CFAP299: variants seen among roughly 807,000 people sequenced by gnomAD.
CFAP299 encodes the protein cilia and flagella associated protein 299.
CFAP299 carries 21 observed loss-of-function variants against 27.0 expected under a neutral mutation model. The observed-to-expected ratio is 0.78, with a 90% CI of 0.55 to 1.12. The LOEUF (loss-of-function observed/expected upper bound fraction) is 1.12, where lower values mean the gene tolerates loss of function less well. Among genes scored for constraint, CFAP299 ranks in the 50% most tolerant of loss-of-function variants. CFAP299 has a pLI of 0.00. For missense variants in CFAP299, 310 were observed against 276.6 expected (o/e 1.12, Z -0.86); for synonymous variants, 104 against 98.1 (o/e 1.06, Z -0.36).
intron 4 of CFAP299, among the ~76,000 whole-genome samples, chr4:80,924,538 G>GTGTGTATATA (rs5859742): frequency 1.9e-4 from 25 of 131,694 alleles, no homozygotes; most frequent in Middle Eastern, 7.8e-3. Flanking sequence ...GTGTGTGTGT[G>GTGTGTATATA]TATATATATA....
At chr4:80,819,814 T>C (rs1405003459) in intron 3 of CFAP299, among the ~76,000 whole-genome samples, 1 of 152,166 alleles carries the variant, frequency 6.6e-6, no homozygotes, top group Admixed American at 6.5e-5. Context: ...TAGAGCCTTA[T>C]ATTAAGTTTA....
intron 1 of CFAP299, among the ~76,000 whole-genome samples, chr4:80,350,223 AT>A (rs1224549854): frequency 1.3e-5 from 2 of 152,188 alleles, no homozygotes; most frequent in Non-Finnish European, 2.9e-5. Flanking sequence ...CATTTTCCAA[AT>A]TTTATGAAAA....
At chr4:80,881,781 A>C (rs1052856170) in intron 4 of CFAP299, among the ~76,000 whole-genome samples, 1 of 152,374 alleles carries the variant, frequency 6.6e-6, no homozygotes, top group Middle Eastern at 3.4e-3. Context: ...TGTGAATTGC[A>C]AAAGAATTCA....
intron 4 of CFAP299, among the ~76,000 whole-genome samples, chr4:80,932,487 A>G (rs1736671063): frequency 6.6e-6 from 1 of 152,158 alleles, no homozygotes; most frequent in Non-Finnish European, 1.5e-5. Flanking sequence ...CTATTACAGA[A>G]TGTATTATTA....
At chr4:80,516,308 A>C (rs1348659692) in intron 2 of CFAP299, among the ~76,000 whole-genome samples, 1 of 152,110 alleles carries the variant, frequency 6.6e-6, no homozygotes, top group African/African-American at 2.4e-5. Flanking sequence ...GGTGTGAGCC[A>C]CTGTGCCTGG....
chr4:80,535,608 A>AAG (rs1228810678), intron 2 of CFAP299, among the ~76,000 whole-genome samples: 1 of 152,082 alleles, frequency 6.6e-6, no homozygotes, highest in Non-Finnish European at 1.5e-5. Flanking sequence ...TAGTGGAGAG[A>AAG]AGACATTAAC....
At chr4:80,692,980 A>G (rs1245590083) in intron 3 of CFAP299, among the ~76,000 whole-genome samples, 1 of 152,272 alleles carries the variant, frequency 6.6e-6, no homozygotes, top group Non-Finnish European at 1.5e-5. Context: ...AGAAATGCAA[A>G]TCAAATCCAC....
intron 3 of CFAP299, among the ~76,000 whole-genome samples, chr4:80,784,675 G>A (rs1429123457): frequency 6.6e-6 from 1 of 151,418 alleles, no homozygotes; most frequent in Non-Finnish European, 1.5e-5. Context: ...GTGCCACCAC[G>A]CCCAGCTAAT....
intron 3 of CFAP299, among the ~76,000 whole-genome samples, chr4:80,822,002 G>A (rs561888039): frequency 3.7e-4 from 57 of 152,240 alleles, no homozygotes; most frequent in African/African-American, 1.3e-3. Context: ...AACCGCTGAC[G>A]ATGGTAGCAA....
chr4:80,784,139 A>G (rs759262473), intron 3 of CFAP299, among the ~76,000 whole-genome samples: 6 of 152,132 alleles, frequency 3.9e-5, no homozygotes, highest in Admixed American at 6.6e-5. Flanking sequence ...TATCTTCATT[A>G]TTGTGAATAC....
intron 4 of CFAP299, among the ~76,000 whole-genome samples, chr4:80,926,347 T>C (rs1469596152): frequency 6.6e-6 from 1 of 152,010 alleles, no homozygotes; most frequent in African/African-American, 2.4e-5. Flanking sequence ...ATATAATATC[T>C]TATGTGATAT....
chr4:80,374,740 A>C (rs1724319862), intron 2 of CFAP299, among the ~76,000 whole-genome samples: 1 of 152,074 alleles, frequency 6.6e-6, no homozygotes, highest in Admixed American at 6.6e-5. Flanking sequence ...TGTCCACTGC[A>C]TGAAATGAGG....
chr4:80,532,151 C>G (rs1414993530), intron 2 of CFAP299, among the ~76,000 whole-genome samples: 1 of 152,078 alleles, frequency 6.6e-6, no homozygotes, highest in Admixed American at 6.5e-5. Context: ...CTTCTTGCTA[C>G]TTAGATTTGA....
At chr4:80,834,060 T>C (rs1424300473) in intron 3 of CFAP299, among the ~76,000 whole-genome samples, 2 of 152,232 alleles carry the variant, frequency 1.3e-5, no homozygotes, top group Non-Finnish European at 2.9e-5. Flanking sequence ...AGTTTGCTAA[T>C]TGTATGCACA....
At chr4:80,593,100 G>A (rs115253161) in intron 3 of CFAP299, among the ~76,000 whole-genome samples, 1 of 152,052 alleles carries the variant, frequency 6.6e-6, no homozygotes, top group Non-Finnish European at 1.5e-5. Flanking sequence ...TTTACAGCTG[G>A]GTCTTCACAG....
At chr4:80,576,510 T>A (rs1223783203) in intron 2 of CFAP299, among the ~76,000 whole-genome samples, 1 of 152,096 alleles carries the variant, frequency 6.6e-6, no homozygotes, top group Non-Finnish European at 1.5e-5. Flanking sequence ...ATTTTCCATT[T>A]TGGCCTCTAA....
At chr4:80,727,230 A>G (rs11734172) in intron 3 of CFAP299, among the ~76,000 whole-genome samples, 53,258 of 151,846 alleles carry the variant, frequency 0.35, 11,733 homozygotes, top group African/African-American at 0.62. Context: ...TTTAGTGAAG[A>G]TATCTATATG....
intron 2 of CFAP299, chr4:80,387,411 G>C: frequency 1.0e-6 from 1 of 979,666 alleles, no homozygotes; most frequent in East Asian, 2.4e-5. Flanking sequence ...AACTTGCTGG[G>C]GCAGAACTGG....
At chr4:80,653,114 A>G (rs1450018965) in intron 3 of CFAP299, among the ~76,000 whole-genome samples, 1 of 152,148 alleles carries the variant, frequency 6.6e-6, no homozygotes, top group African/African-American at 2.4e-5. Flanking sequence ...CTCAGGTCCA[A>G]ACCTCTGTAT....
Sources: gnomAD v4.1 joint callset for allele counts (sites outside exome capture counted in the v4.1 genomes callset) on GRCh38, gnomAD v4.1.1 for gene constraint, MANE v1.5 for transcripts, NCBI Gene and HGNC (gene_info 2026-07-23, HGNC 2026-07-21) for gene names.